Variants in TAF8 observed in about 807,000 individuals in gnomAD.
TAF8 encodes the protein TATA-box binding protein associated factor 8.
Under a neutral mutation model 36.5 loss-of-function variants are expected in TAF8, and 47 were observed. The observed-to-expected ratio is 1.29, with a 90% CI of 1.02 to 1.64. The LOEUF (loss-of-function observed/expected upper bound fraction) is 1.64, where lower values mean the gene tolerates loss of function less well. TAF8 is among the 40% of genes most tolerant of loss of function. The probability of loss-of-function intolerance (pLI) is 0.00; values close to 1 mark genes in which losing one functional copy is unlikely to be tolerated. For synonymous variants in TAF8, 175 were observed against 159.5 expected (o/e 1.10, Z -0.73); for missense variants, 420 against 407.6 (o/e 1.03, Z -0.26).
intron 7 of TAF8, among the ~76,000 whole-genome samples, chr6:42,075,675 A>G (rs559664705): frequency 6.6e-6 from 1 of 151,934 alleles, no homozygotes; most frequent in Non-Finnish European, 1.5e-5. Context: ...CCCGTGGAAG[A>G]ACTTCTTCCC....
intron 5 of TAF8, among the ~76,000 whole-genome samples, chr6:42,061,098 G>A (rs1765175348): frequency 6.6e-6 from 1 of 152,128 alleles, no homozygotes. Flanking sequence ...TGCACTTAGA[G>A]TCCTATATTT....
At chr6:42,063,650 AG>A (rs1227615400) in intron 5 of TAF8, 1 of 152,040 alleles carries the variant, frequency 6.6e-6, no homozygotes, top group Non-Finnish European at 1.5e-5. Flanking sequence ...AGATGGGGAC[AG>A]GTTTTTTGTC....
At chr6:42,084,112 C>T (rs1049611888), downstream of TAF8, among the ~76,000 whole-genome samples, 1 of 142,984 alleles carries the variant, frequency 7.0e-6, no homozygotes, top group Non-Finnish European at 1.5e-5. Context: ...ACCCGGGAGG[C>T]GGAGCTTGCA....
chr6:42,067,415 C>A (rs1215740747), intron 6 of TAF8, among the ~76,000 whole-genome samples: 1 of 151,960 alleles, frequency 6.6e-6, no homozygotes, highest in Non-Finnish European at 1.5e-5. Flanking sequence ...GGGTTTCACC[C>A]AGTTGGCCAG....
In TAF8 at chr6:42,082,886, T is replaced by C. The variant is rs1329221537; in HGVS notation, c.*5341T>C. 1 of 152,204 alleles carries C rather than the reference T, an allele frequency of 6.6e-6. No individual in the cohort carries two copies. The highest frequency in any genetic ancestry group is 1.5e-5 in the Non-Finnish European group (1 of 68,038). The allele number at this position is 152,204 out of a possible 1,614,324, so 9.4% of individuals were successfully genotyped here. ...GCTGGCCCAGGGTAGAGCTTTACCA[T>C]GGACCCTGGCGCTCCTGGAAAAAAA... On this transcript the variant is annotated 3_prime_UTR_variant, in exon 9 of 9. Coordinates refer to ENST00000372977, the MANE Select transcript of TAF8 (RefSeq NM_138572.3).
chr6:42,066,609 G>A lies in TAF8; in HGVS notation c.637+150G>A, dbSNP rs1582232235. 2.4e-5 allele frequency: 21 copies of A among 879,432 alleles called. No homozygotes were observed. In the East Asian group the frequency reaches 4.8e-4, roughly 20 times the overall value. 54.5% of individuals were successfully genotyped at this position (879,432 alleles called of 1,614,324 possible). ...TCAGATTTCTGGCTCCCTTCCCCAG[G>A]TCTTAAGAGTCTGTCCTTAACTGAC... On this transcript the variant is annotated intron_variant, in intron 6 of 8. Coordinates refer to ENST00000372977, the MANE Select transcript of TAF8 (RefSeq NM_138572.3).
chr6:42,058,331 G>C (rs1314447950), intron 5 of TAF8, among the ~76,000 whole-genome samples: 1 of 152,176 alleles, frequency 6.6e-6, no homozygotes, highest in Non-Finnish European at 1.5e-5. Context: ...AGTGAGCTGA[G>C]ATTGCGCCAC....
Position 42,055,607 on chromosome 6 carries a change from C to G in TAF8, c.279C>G (p.Ile93Met). The change falls in exon 3 of 9, where the codon ATC becomes ATG. Residue 93 changes from isoleucine (I) to methionine (M), a missense_variant. Coordinates refer to ENST00000372977, the MANE Select transcript of TAF8 (RefSeq NM_138572.3). ...GGACCCAGCCCACACTGTCCGATAT[C>G]GTGGTCACACTTGTTGAGATGGGTG... ...TARTQPTLSD[I>M]VVTLVEMGFN... 14 of 1,614,148 alleles carry G rather than the reference C, an allele frequency of 8.7e-6. No individual in the cohort carries two copies. Among genetic ancestry groups the G allele is most frequent in the Non-Finnish European group, 1.2e-5 (14 of 1,179,978 alleles).
At position 42,078,486 on chromosome 6, in the gene TAF8, A is replaced by G. The variant is rs1380334040; in HGVS notation, c.*941A>G. The G allele has an allele frequency of 2.0e-6, 2 of 985,296 alleles. No homozygotes were observed. Among genetic ancestry groups the G allele is most frequent in the East Asian group, 1.1e-4 (1 of 8,830 alleles). The allele number at this position is 985,296 out of a possible 1,614,324, so 61.0% of individuals were successfully genotyped here. On this transcript the variant is annotated 3_prime_UTR_variant, in exon 9 of 9. Transcript: ENST00000372977. ...CCAAGTGCTCCGTTGAGCTGATGAAAAGTTCTTTGTACTCCCTCAACGTGT... is the reference window on the plus strand; with the variant it reads ...CCAAGTGCTCCGTTGAGCTGATGAAGAGTTCTTTGTACTCCCTCAACGTGT...
chr6:42,070,598 A>G (rs1210935347), intron 7 of TAF8, among the ~76,000 whole-genome samples: 1 of 152,242 alleles, frequency 6.6e-6, no homozygotes, highest in East Asian at 1.9e-4. Context: ...CAGTGCAAAT[A>G]TTGAACATTT....
chr6:42,068,516 C>T lies in TAF8; in HGVS notation c.689C>T (p.Ser230Phe). ...TIPYLTALLP[S>F]ELEMQQMEET... ...CCCTACCTGACAGCTCTTCTTCCGT[C>T]TGAACTGGAGATGCAACAAATGGAA... is the stretch of plus-strand genomic sequence containing the variant. The change falls in exon 7 of 9, where the codon TCT becomes TTT. Residue 230 changes from serine (S) to phenylalanine (F), a missense_variant. Ser to Phe is a radical substitution (Grantham distance 155). Coordinates refer to ENST00000372977, the MANE Select transcript of TAF8 (RefSeq NM_138572.3). 2 of 1,614,138 alleles carry T rather than the reference C, an allele frequency of 1.2e-6. No homozygotes were observed. The highest frequency in any genetic ancestry group is 1.7e-6 in the Non-Finnish European group (2 of 1,180,024).
At position 42,081,615 on chromosome 6, in the gene TAF8, C is replaced by T. The variant is rs186798146; in HGVS notation, c.*4070C>T. The stretch of plus-strand genomic sequence containing the variant: ...CGATCTCCTGACCTCATGATCCGCC[C>T]GCCTCGGCCTCCCAAAGTGCTGGGA... On this transcript the variant is annotated 3_prime_UTR_variant, in exon 9 of 9. Coordinates refer to ENST00000372977, the MANE Select transcript of TAF8 (RefSeq NM_138572.3). 7.1e-3 allele frequency: 1,087 copies of T among 152,234 alleles called. 6 individuals carry two copies. The highest frequency in any genetic ancestry group is 0.011 in the Non-Finnish European group (767 of 68,060). The allele number at this position is 152,234 out of a possible 1,614,324, so 9.4% of individuals were successfully genotyped here.
rs1765934778 is a variant in TAF8, at chr6:42,081,806, C to T, written c.*4261C>T. On this transcript the variant is annotated 3_prime_UTR_variant, in exon 9 of 9. Transcript: ENST00000372977. ...CAGGCGTGAGCCCCCGCGCCTGGCT[C>T]TTCTGGAGTATTTTTAAATGCAAAC... 6.6e-6 allele frequency: 1 copy of T among 152,130 alleles called. No individual in the cohort carries two copies. The highest frequency in any genetic ancestry group is 2.4e-5 in the African/African-American group (1 of 41,418). The allele number at this position is 152,130 out of a possible 1,614,324, so 9.4% of individuals were successfully genotyped here.
chr6:42,067,271 T>C (rs558098660), intron 6 of TAF8, among the ~76,000 whole-genome samples: 3 of 152,350 alleles, frequency 2.0e-5, no homozygotes, highest in African/African-American at 7.2e-5. Flanking sequence ...CAGCCTGGAA[T>C]ACAGTGGCGC....
chr6:42,077,506 A>G, intron 8 of TAF8, 27 bp from the exon 9 acceptor site: 1 of 1,611,680 alleles, frequency 6.2e-7, no homozygotes, highest in East Asian at 2.2e-5. Context: ...CCACACCAGG[A>G]GGCTCCATGG....
chr6:42,062,728 G>A (rs868783177), intron 5 of TAF8, among the ~76,000 whole-genome samples: 2 of 151,022 alleles, frequency 1.3e-5, no homozygotes, highest in African/African-American at 4.9e-5. Context: ...CTTAAGTAGA[G>A]ATGGGGTTTC....
rs900735947 is a variant in TAF8 at position 42,066,307 on chromosome 6, C to T, written c.490-5C>T. 6 of 1,613,416 alleles carry T rather than the reference C, an allele frequency of 3.7e-6. No homozygotes were observed. In the African/African-American group the frequency reaches 5.3e-5, roughly 14 times the overall value. On this transcript the variant is annotated splice_polypyrimidine_tract_variant and splice_region_variant and intron_variant, in intron 5 of 8. Coordinates refer to ENST00000372977, the MANE Select transcript of TAF8 (RefSeq NM_138572.3). ...ACCCCAGTGTCTTTGCTGCTCTCTT[C>T]GTAGACGTACCGTGAGCCCGTGTCA... is the stretch of plus-strand genomic sequence containing the variant.
chr6:42,067,092 C>T (rs1359411964), intron 6 of TAF8, among the ~76,000 whole-genome samples: 1 of 152,198 alleles, frequency 6.6e-6, no homozygotes, highest in Non-Finnish European at 1.5e-5. Flanking sequence ...TCATAGGAAC[C>T]CTTCAATGAG....
intron 5 of TAF8, among the ~76,000 whole-genome samples, chr6:42,059,871 C>T (rs1299744837): frequency 6.6e-6 from 1 of 152,080 alleles, no homozygotes; most frequent in Non-Finnish European, 1.5e-5. Context: ...TTTATAACAC[C>T]TTAATCTTAA....
Sources: gnomAD v4.1 joint callset for allele counts (sites outside exome capture counted in the v4.1 genomes callset) on GRCh38, gnomAD v4.1.1 for gene constraint, MANE v1.5 for transcripts, NCBI Gene and HGNC (gene_info 2026-07-23, HGNC 2026-07-21) for gene names.